Variants in MYT1L observed in about 807,000 individuals in gnomAD.
MYT1L encodes the protein myelin transcription factor 1 like, also known as myelin transcription factor 1-like protein.
In MYT1L, 12 loss-of-function variants were observed where a neutral mutation model predicts 126.7. That is an observed-to-expected ratio of 0.09 (90% confidence interval 0.06 to 0.15). The LOEUF (loss-of-function observed/expected upper bound fraction) is 0.15. Among genes scored for constraint, MYT1L ranks in the 10% least tolerant of loss-of-function variants. MYT1L has a pLI of 1.00. For missense variants in MYT1L, 979 were observed against 1,585.2 expected, an observed-to-expected ratio of 0.62 and a Z score of 6.49; for synonymous variants, 541 against 604.2, an observed-to-expected ratio of 0.90 and a Z score of 1.53.
At chr2:1,932,209 C>T (rs1015498191) in intron 9 of MYT1L, among the ~76,000 whole-genome samples, 84 of 152,102 alleles carry the variant, frequency 5.5e-4, no homozygotes, top group African/African-American at 1.9e-3. Context: ...AATTGAGGCA[C>T]GGAGGAAAAC....
intron 21 of MYT1L, among the ~76,000 whole-genome samples, chr2:1,818,168 C>T (rs935149735): frequency 5.3e-5 from 8 of 152,116 alleles, no homozygotes; most frequent in African/African-American, 1.2e-4. Flanking sequence ...GTGAAACTTT[C>T]GAAGGGGGAT....
At chr2:2,238,539 G>C (rs2149119763) in intron 2 of MYT1L, among the ~76,000 whole-genome samples, 2 of 152,318 alleles carry the variant, frequency 1.3e-5, no homozygotes, top group South Asian at 4.1e-4. Flanking sequence ...ATTGTGCTGG[G>C]TGACACCCGA....
chr2:1,834,767 G>A (rs1256644359), intron 21 of MYT1L, among the ~76,000 whole-genome samples: 1 of 151,904 alleles, frequency 6.6e-6, no homozygotes, highest in Non-Finnish European at 1.5e-5. Context: ...TGTGAATACA[G>A]GTACTCCTCC....
At chr2:1,847,321 C>A (rs1205447405) in intron 19 of MYT1L, among the ~76,000 whole-genome samples, 1 of 152,178 alleles carries the variant, frequency 6.6e-6, no homozygotes, top group Admixed American at 6.5e-5. Flanking sequence ...AGAGGCCATT[C>A]GGGAACCGTA....
chr2:1,957,525 C>T (rs2149363119), intron 8 of MYT1L, among the ~76,000 whole-genome samples: 1 of 152,236 alleles, frequency 6.6e-6, no homozygotes, highest in Non-Finnish European at 1.5e-5. Flanking sequence ...TGTCATCTTT[C>T]TATCAATCTT....
At chr2:1,993,772 G>A (rs1356636457) in intron 5 of MYT1L, among the ~76,000 whole-genome samples, 1 of 152,174 alleles carries the variant, frequency 6.6e-6, no homozygotes, top group Non-Finnish European at 1.5e-5. Context: ...GATCATGCTG[G>A]TTTCTGGAAG....
Position 2,003,816 on chromosome 2 carries a change from C to A in MYT1L, c.-157-6469G>T, listed in dbSNP as rs781000631. ...AGCCTCTGGGAGCAGCACCTGTTCT[C>A]ATGGCCCCAGGCCCGGCTGCTTCAG... On this transcript the variant is annotated intron_variant, in intron 4 of 24. Transcript: ENST00000647738. 8.6e-4 allele frequency among the ~76,000 whole-genome samples: 131 copies of A among 152,354 alleles called. 2 individuals carry two copies. Among genetic ancestry groups the A allele is most frequent in the South Asian group, 2.1e-3 (10 of 4,826 alleles).
At chr2:2,121,155 T>G (rs1485887777) in intron 3 of MYT1L, among the ~76,000 whole-genome samples, 2 of 152,366 alleles carry the variant, frequency 1.3e-5, no homozygotes, top group East Asian at 3.9e-4. Flanking sequence ...CTTGTAAGTC[T>G]TTTAAACTCG....
chr2:1,791,841 A>G lies in MYT1L; in HGVS notation c.*26T>C. 1 of 1,530,238 alleles carries G rather than the reference A, an allele frequency of 6.5e-7. No individual in the cohort carries two copies. The highest frequency in any genetic ancestry group is 8.7e-7 in the Non-Finnish European group (1 of 1,143,984). The allele number at this position is 1,530,238 out of a possible 1,614,324, so 94.8% of individuals were successfully genotyped here. A position where few individuals can be genotyped will look rare whatever the true frequency, so the allele number is the denominator to read the frequency against. On this transcript the variant is annotated 3_prime_UTR_variant, in exon 25 of 25. Coordinates refer to ENST00000647738, the MANE Select transcript of MYT1L (RefSeq NM_001303052.2). This position sits in a 1 kb window ranked among gnomAD's most constrained non-coding sequence, Gnocchi z 6.0. Reference sequence around the variant, plus strand: ...AAAACAAGAGGCATCCTTTTTAAGCAAGAGTTTCATCACTACAGCAGCTGT... The same window carrying G: ...AAAACAAGAGGCATCCTTTTTAAGCGAGAGTTTCATCACTACAGCAGCTGT...
At chr2:2,073,086 G>C (rs924843868) in intron 3 of MYT1L, among the ~76,000 whole-genome samples, 1 of 152,138 alleles carries the variant, frequency 6.6e-6, no homozygotes, top group Non-Finnish European at 1.5e-5. Context: ...ACATTCATAA[G>C]GGCTTTACTC....
intron 4 of MYT1L, among the ~76,000 whole-genome samples, chr2:2,039,755 C>A (rs1558821267): frequency 6.6e-6 from 1 of 152,116 alleles, no homozygotes; most frequent in East Asian, 1.9e-4. Context: ...CTGCATCAGC[C>A]CGCTCATGCT....
intron 3 of MYT1L, among the ~76,000 whole-genome samples, chr2:2,150,457 A>T (rs1205185708): frequency 2.0e-5 from 3 of 152,206 alleles, no homozygotes; most frequent in African/African-American, 7.2e-5. Flanking sequence ...TGAAAAAAAT[A>T]AGTCAGTGTT....
At chr2:2,151,244 T>C (rs561654684) in intron 3 of MYT1L, among the ~76,000 whole-genome samples, 57 of 152,286 alleles carry the variant, frequency 3.7e-4, no homozygotes, top group Non-Finnish European at 1.8e-4. Context: ...TGTGGTGCTA[T>C]AGAATACTGT....
intron 3 of MYT1L, among the ~76,000 whole-genome samples, chr2:2,114,145 T>G (rs1038675764): frequency 4.6e-5 from 7 of 152,228 alleles, no homozygotes; most frequent in Admixed American, 2.0e-4. Context: ...GAGCTCAGAG[T>G]AATACGCCCA....
At chr2:1,815,952 A>C (rs1376617727) in intron 21 of MYT1L, among the ~76,000 whole-genome samples, 1 of 152,174 alleles carries the variant, frequency 6.6e-6, no homozygotes, top group Non-Finnish European at 1.5e-5. Flanking sequence ...AGCACGCTTC[A>C]TCACCAATGG....
chr2:2,256,097 T>C (rs569757283), intron 2 of MYT1L, among the ~76,000 whole-genome samples: 58 of 152,282 alleles, frequency 3.8e-4, no homozygotes, highest in African/African-American at 1.2e-3. Context: ...TCTGTAACCA[T>C]CTTCACTCGC....
At chr2:1,853,895 GT>G (rs2043588337) in intron 18 of MYT1L, among the ~76,000 whole-genome samples, 1 of 152,102 alleles carries the variant, frequency 6.6e-6, no homozygotes, top group African/African-American at 2.4e-5. Flanking sequence ...TTTTGTGGTA[GT>G]TTTTATGTGT....
chr2:2,090,592 C>T (rs1036587895), intron 3 of MYT1L, among the ~76,000 whole-genome samples: 2 of 152,116 alleles, frequency 1.3e-5, no homozygotes, highest in African/African-American at 4.8e-5. Context: ...GTGGCAATTT[C>T]TTTAAATAAG....
chr2:1,838,572 G>A (rs895497477), intron 21 of MYT1L, among the ~76,000 whole-genome samples: 3 of 152,146 alleles, frequency 2.0e-5, no homozygotes, highest in Non-Finnish European at 4.4e-5. Context: ...TTGGAGACGG[G>A]TCCCATCCCA....
Sources: allele counts gnomAD v4.1 joint callset (sites outside exome capture counted in the v4.1 genomes callset), GRCh38; gene constraint gnomAD v4.1.1; non-coding constraint Gnocchi (gnomAD v3.1); transcripts MANE v1.5; gene names NCBI Gene and HGNC (gene_info 2026-07-23, HGNC 2026-07-21).